Variants in HERC2 observed in about 807,000 individuals in gnomAD.
HERC2 encodes E3 ubiquitin-protein ligase HERC2.
Under a neutral mutation model 537.7 loss-of-function variants are expected in HERC2, and 102 were observed. That is an observed-to-expected ratio of 0.19 (90% CI 0.16 to 0.22). The LOEUF (loss-of-function observed/expected upper bound fraction) is 0.22, where lower values mean the gene tolerates loss of function less well. Ranked by LOEUF, HERC2 falls within the 10% of genes least tolerant of loss-of-function variation. The pLI is 1.00. For missense variants in HERC2, 4,236 were observed against 6,198.2 expected (o/e 0.68, Z 10.63); for synonymous variants, 2,224 against 2,466.2 (o/e 0.90, Z 2.91).
intron 3 of HERC2, 149 bp from the exon 4 acceptor site, chr15:28,293,171 T>C: frequency 1.5e-6 from 1 of 688,382 alleles, no homozygotes; most frequent in Non-Finnish European, 2.4e-6. Flanking sequence ...ATCATACCTG[T>C]AACAGACCCA....
intron 56 of HERC2, 143 bp downstream of exon 56, chr15:28,186,434 G>T: frequency 2.1e-5 from 12 of 565,700 alleles, no homozygotes; most frequent in South Asian, 1.3e-4. Flanking sequence ...TACAATTTTT[G>T]GAAACAACTG....
At chr15:28,144,545 G>T in intron 72 of HERC2, 128 bp downstream of exon 72, 1 of 1,294,156 alleles carries the variant, frequency 7.7e-7, no homozygotes, top group Non-Finnish European at 1.1e-6. Context: ...GCCTGTGAGA[G>T]CACTCACTCC....
At chr15:28,224,315 G>A (rs571733429) in intron 35 of HERC2, among the ~76,000 whole-genome samples, 3 of 151,768 alleles carry the variant, frequency 2.0e-5, no homozygotes, top group Admixed American at 6.6e-5. Context: ...TCTGCCTCCC[G>A]GGCTCAAGCA....
At chr15:28,321,563 G>C (rs1442661736) in intron 1 of HERC2, 99 bp from the exon 2 acceptor site, 1 of 549,844 alleles carries the variant, frequency 1.8e-6, no homozygotes, top group Non-Finnish European at 3.0e-6. Context: ...AGAACAGAAA[G>C]GGGGGAGAGA....
At position 28,216,117 on chromosome 15, in the gene HERC2, G is replaced by A. The variant is rs117197523; in HGVS notation, c.6029-315C>T. Reference sequence around the variant, plus strand: ...TGCCCTGCCAAATAGCTGGGACTACGGGCATTTTTAAAACCTTCTAAGTAT... The same window carrying A: ...TGCCCTGCCAAATAGCTGGGACTACAGGCATTTTTAAAACCTTCTAAGTAT... On this transcript the variant is annotated intron_variant, in intron 38 of 92. Transcript: ENST00000261609. Among the ~76,000 whole-genome samples the A allele has an allele frequency of 0.014, 2,165 of 151,822 alleles. 151 individuals carry two copies. In the East Asian group the frequency reaches 0.23, roughly 16 times the overall value.
intron 68 of HERC2, 145 bp from the exon 69 acceptor site, chr15:28,163,430 A>G (rs925232950): frequency 1.3e-5 from 9 of 680,986 alleles, no homozygotes; most frequent in Admixed American, 3.1e-5. Flanking sequence ...GAAACAGATT[A>G]AGAAACGACG....
intron 2 of HERC2, among the ~76,000 whole-genome samples, chr15:28,306,229 TTGAGG>T (rs1444606887): frequency 6.6e-6 from 1 of 152,214 alleles, no homozygotes; most frequent in African/African-American, 2.4e-5. Flanking sequence ...TTTTATTGCG[TTGAGG>T]TGTGTTCCTT....
In HERC2 at chr15:28,168,429, T is replaced by A. The variant is rs777544991; in HGVS notation, c.10391A>T (p.Asn3464Ile). ...AVDIEDRLSP[N>I]PWQEKREIVS... ...TACCTCTCTCTTTTCTTGCCATGGA[T>A]TTGGACTCAGTCTGTCTTCGATATC... Residue 3464 changes from asparagine (N) to isoleucine (I), a missense_variant, in exon 67 of 93, where the codon AAT becomes ATT. Transcript: ENST00000261609. 3.1e-6 allele frequency: 5 copies of A among 1,614,046 alleles called. No individual in the cohort carries two copies. The highest frequency in any genetic ancestry group is 4.2e-6 in the Non-Finnish European group (5 of 1,179,980).
chr15:28,262,849 C>G, intron 15 of HERC2, 69 bp downstream of exon 15: 2 of 1,492,460 alleles, frequency 1.3e-6, no homozygotes, highest in Non-Finnish European at 1.8e-6. Context: ...GAACATAAAA[C>G]CTGCTAACTT....
chr15:28,287,719 CTTTTTTTTTTT>C (rs766216433), intron 4 of HERC2, among the ~76,000 whole-genome samples: 1 of 124,822 alleles, frequency 8.0e-6, no homozygotes. Flanking sequence ...ACTTATTCCT[CTTTTTTTTTTT>C]TTTTTTTTGG....
rs567098321 is a variant in HERC2 at position 28,197,659 on chromosome 15, G to A, written c.8011+719C>T. Among the ~76,000 whole-genome samples, 75 of 152,304 alleles carry A rather than the reference G, an allele frequency of 4.9e-4. No individual in the cohort carries two copies. In the East Asian group the frequency reaches 9.6e-3, roughly 20 times the overall value. On this transcript the variant is annotated intron_variant, in intron 50 of 92. Coordinates refer to ENST00000261609, the MANE Select transcript of HERC2 (RefSeq NM_004667.6). ...CCCAGCTACTCTGGAGGCTGAGACTGGAGAATTCCTTAAACCTGGGGGCGG... is the reference window on the plus strand; with the variant it reads ...CCCAGCTACTCTGGAGGCTGAGACTAGAGAATTCCTTAAACCTGGGGGCGG...
In HERC2 at chr15:28,113,448, C is replaced by T. The variant is rs989059487; in HGVS notation, c.14019+125G>A. 6.6e-6 allele frequency: 7 copies of T among 1,056,426 alleles called. No individual in the cohort carries two copies. The East Asian group carries it at 7.7e-5, about 12-fold the overall frequency. The allele number at this position is 1,056,426 out of a possible 1,614,324, so 65.4% of individuals were successfully genotyped here. A position where few individuals can be genotyped will look rare whatever the true frequency, so the allele number is the denominator to read the frequency against. On this transcript the variant is annotated intron_variant, in intron 91 of 92. Coordinates refer to ENST00000261609, the MANE Select transcript of HERC2 (RefSeq NM_004667.6). This position sits in a 1 kb window ranked among gnomAD's most constrained non-coding sequence, Gnocchi z 7.0. ...CCTCCTGCAGGCGGGTGGAGGGACG[C>T]GCTCAGAGTGCACTCCCTTCAGTCA...
chr15:28,117,459 C>T (rs1358564424), intron 86 of HERC2: 1 of 653,222 alleles, frequency 1.5e-6, no homozygotes, highest in Non-Finnish European at 2.8e-6. Context: ...ACGTCCACAG[C>T]TGCGGCCCGG....
rs2075533490 is a variant in HERC2, at chr15:28,265,334, TA to T, written c.1870+283del. ...CGAACGTTAAGAAATGTAATAATAC[TA>T]ACCAGAGACAATTCAGAGTGTCAAT... On this transcript the variant is annotated intron_variant, in intron 14 of 92. Transcript: ENST00000261609. The surrounding 1 kb of genome is among the most constrained non-coding windows in gnomAD (Gnocchi z 4.0). Among the ~76,000 whole-genome samples, 1 of 152,200 alleles carries T rather than the reference TA, an allele frequency of 6.6e-6. No individual in the cohort carries two copies. Among genetic ancestry groups the T allele is most frequent in the African/African-American group, 2.4e-5 (1 of 41,446 alleles).
chr15:28,285,714 T>C (rs867276357), intron 4 of HERC2, among the ~76,000 whole-genome samples: 4 of 137,048 alleles, frequency 2.9e-5, no homozygotes, highest in Middle Eastern at 4.1e-3. Context: ...AGAAACAAAG[T>C]GAAAACAGAA....
intron 31 of HERC2, 29 bp downstream of exon 31, chr15:28,230,338 C>T (rs1266797122): frequency 6.3e-7 from 1 of 1,581,756 alleles, no homozygotes; most frequent in Non-Finnish European, 8.6e-7. Flanking sequence ...TCTATTCAGC[C>T]AACCTCAGAA....
intron 2 of HERC2, among the ~76,000 whole-genome samples, chr15:28,318,168 G>A (rs1482296314): frequency 1.3e-5 from 2 of 152,108 alleles, no homozygotes; most frequent in East Asian, 1.9e-4. Context: ...CTTAACTGAC[G>A]TTTTGGTTTG....
At chr15:28,159,723 C>G (rs1186334260) in intron 69 of HERC2, among the ~76,000 whole-genome samples, 1 of 152,246 alleles carries the variant, frequency 6.6e-6, no homozygotes, top group African/African-American at 2.4e-5. Flanking sequence ...AAGCCTTCCT[C>G]TCTCAGCTCA....
At chr15:28,292,488 C>T (rs1363297569) in intron 4 of HERC2, among the ~76,000 whole-genome samples, 1 of 152,088 alleles carries the variant, frequency 6.6e-6, no homozygotes, top group Admixed American at 6.6e-5. Context: ...AACAATGTAG[C>T]CACTGTGGAA....
Sources: gnomAD v4.1 joint callset for allele counts (sites outside exome capture counted in the v4.1 genomes callset) on GRCh38, gnomAD v4.1.1 for gene constraint, Gnocchi (gnomAD v3.1) non-coding constraint, MANE v1.5 for transcripts, NCBI Gene and HGNC (gene_info 2026-07-23, HGNC 2026-07-21) for gene names.